The following CTDP1 variants were observed in gnomAD, a reference collection of about 807,000 sequenced individuals.
CTDP1 encodes the protein RNA polymerase II subunit A C-terminal domain phosphatase.
Under a neutral mutation model 91.8 loss-of-function variants are expected in CTDP1, and 47 were observed. The ratio of observed to expected loss-of-function variants is 0.51; its 90% CI spans 0.41 to 0.65. The LOEUF is 0.65. CTDP1 is among the 30% of genes least tolerant of loss of function. CTDP1 has a pLI of 0.00. For missense variants in CTDP1, 1,272 were observed against 1,373.7 expected, an observed-to-expected ratio of 0.93 and a Z score of 1.17; for synonymous variants, 656 against 598.5, an observed-to-expected ratio of 1.10 and a Z score of -1.40.
intron 10 of CTDP1, among the ~76,000 whole-genome samples, chr18:79,722,711 T>C (rs1203371882): frequency 1.3e-5 from 2 of 152,142 alleles, no homozygotes; most frequent in Admixed American, 6.5e-5. Context: ...TTTTTGATAG[T>C]TTTCAAAATT....
intron 4 of CTDP1, among the ~76,000 whole-genome samples, chr18:79,698,646 G>A (rs1368121002): frequency 2.0e-5 from 3 of 152,170 alleles, no homozygotes; most frequent in African/African-American, 7.2e-5. Flanking sequence ...GGCCTAGACG[G>A]TGGCCATCAG....
chr18:79,719,546 G>T (rs984264938), intron 10 of CTDP1, among the ~76,000 whole-genome samples: 5 of 151,770 alleles, frequency 3.3e-5, no homozygotes, highest in Non-Finnish European at 5.9e-5. Flanking sequence ...AGGCATCCTG[G>T]TGATGTCACC....
At chr18:79,749,320 G>T (rs2086945400) in intron 12 of CTDP1, among the ~76,000 whole-genome samples, 1 of 151,748 alleles carries the variant, frequency 6.6e-6, no homozygotes, top group Non-Finnish European at 1.5e-5. Context: ...TTCGGTCGGG[G>T]CCCCTGCCCC....
upstream of CTDP1, chr18:79,679,695 G>C (rs1248488126): frequency 3.7e-6 from 2 of 536,946 alleles, no homozygotes; most frequent in Non-Finnish European, 7.1e-6. Context: ...CCGGCACGCA[G>C]GGTTGGTCCC....
intron 11 of CTDP1, among the ~76,000 whole-genome samples, chr18:79,732,261 A>G (rs1474236048): frequency 6.6e-6 from 1 of 150,938 alleles, no homozygotes; most frequent in Non-Finnish European, 1.5e-5. Context: ...AGTGCTCCCA[A>G]AATCACAGAC....
chr18:79,715,062 G>T lies in CTDP1; in HGVS notation c.1602G>T (p.Glu534Asp), dbSNP rs112655649. 6.1e-4 allele frequency: 981 copies of T among 1,611,702 alleles called. 7 individuals carry two copies. The African/African-American group carries it at 0.011, about 18-fold the overall frequency. Residue 534 changes from glutamate (E) to aspartate (D), a missense_variant, in exon 8 of 13, where the codon GAG becomes GAT. Physicochemically the swap from Glu to Asp is conservative, Grantham distance 45 (BLOSUM62 2). Around this residue, in one of 3 missense-constraint regions of CTDP1, gnomAD observed 881 missense variants for 911.6 expected, o/e 0.97. Transcript: ENST00000613122. ...AGGAGCCTGAGCTGGGTGGGCAGGA[G>T]GAGGGCGAGCGGGATGGCCTCTGCG... ...PDKEPELGGQ[E>D]EGERDGLCGL...
intron 10 of CTDP1, among the ~76,000 whole-genome samples, chr18:79,726,816 G>T: frequency 7.0e-6 from 1 of 141,890 alleles, no homozygotes. Flanking sequence ...CGCTGTTGCT[G>T]GTGGACGGCT....
At chr18:79,731,929 A>G (rs1427766611) in intron 11 of CTDP1, among the ~76,000 whole-genome samples, 1 of 151,818 alleles carries the variant, frequency 6.6e-6, no homozygotes, top group Non-Finnish European at 1.5e-5. Flanking sequence ...GTAAGAACTC[A>G]CATTAGGAGT....
chr18:79,690,203 G>A (rs1394172930), intron 1 of CTDP1, among the ~76,000 whole-genome samples: 1 of 152,222 alleles, frequency 6.6e-6, no homozygotes, highest in Non-Finnish European at 1.5e-5. Flanking sequence ...GCTCAGAGGT[G>A]ATGGCGTCCA....
At chr18:79,722,912 C>T (rs2086374282) in intron 10 of CTDP1, among the ~76,000 whole-genome samples, 2 of 152,146 alleles carry the variant, frequency 1.3e-5, no homozygotes, top group Non-Finnish European at 2.9e-5. Flanking sequence ...TCCCTTTTCT[C>T]CGTAGGCCTC....
chr18:79,741,067 G>A (rs576922740), intron 12 of CTDP1, among the ~76,000 whole-genome samples: 2 of 148,334 alleles, frequency 1.3e-5, no homozygotes, highest in East Asian at 2.0e-4. Flanking sequence ...TCCCCCGTAC[G>A]GTTGATCTGT....
At position 79,680,189 on chromosome 18, in the gene CTDP1, G is replaced by A. The variant is rs1457458612; in HGVS notation, c.242G>A (p.Arg81His). Residue 81 changes from arginine (R) to histidine (H), a missense_variant, in exon 1 of 13, where the codon CGC becomes CAC. Physicochemically the swap from Arg to His is conservative, Grantham distance 29. Around this residue, in one of 3 missense-constraint regions of CTDP1, gnomAD observed 214 missense variants for 179.1 expected, o/e 1.19. Coordinates refer to ENST00000613122, the MANE Select transcript of CTDP1 (RefSeq NM_004715.5). ...TGCGTGCGCCCCGCGCGGCCGGAAC[G>A]CAGGCTGAGGTCGGAGCGCGCGGGC... Reference protein sequence around the residue: ...GGCVRPARPERRLRSERAGVV... With the variant: ...GGCVRPARPEHRLRSERAGVV... 2 of 1,381,930 alleles carry A rather than the reference G, an allele frequency of 1.4e-6. No individual in the cohort carries two copies. Among genetic ancestry groups the A allele is most frequent in the Admixed American group, 3.4e-5 (1 of 29,384 alleles). The allele number at this position is 1,381,930 out of a possible 1,614,324, so 85.6% of individuals were successfully genotyped here.
chr18:79,730,858 A>G (rs1328137165), intron 11 of CTDP1, among the ~76,000 whole-genome samples: 1 of 152,162 alleles, frequency 6.6e-6, no homozygotes, highest in African/African-American at 2.4e-5. Flanking sequence ...CTCATGTTGG[A>G]CTTCTGACCT....
rs1350426844 is a variant in CTDP1, at chr18:79,679,822, G to T, written c.-126G>T. 6.3e-6 allele frequency: 6 copies of T among 949,708 alleles called. No homozygotes were observed. The African/African-American group carries it at 6.9e-5, about 11-fold the overall frequency. 58.8% of individuals were successfully genotyped at this position (949,708 alleles called of 1,614,324 possible). ...TCCAGGAAGTCGGCGCGGGCTAGGC[G>T]ACGGGTGGAAGCCGGTACCGAGAGG... On this transcript the variant is annotated 5_prime_UTR_variant, in exon 1 of 13. Transcript: ENST00000613122.
rs745797676 is a variant in CTDP1, at chr18:79,715,080, C to T, written c.1620C>T (p.Gly540=). 1 of 1,612,910 alleles carries T rather than the reference C, an allele frequency of 6.2e-7. No individual in the cohort carries two copies. Among genetic ancestry groups the T allele is most frequent in the African/African-American group, 1.3e-5 (1 of 75,054 alleles). ...GGCAGGAGGAGGGCGAGCGGGATGG[C>T]CTCTGCGGCCTGGGCAACGGCTGTG... ...LGGQEEGERD[G]LCGLGNGCAD... is the part of the protein sequence containing the mutation. Residue 540 remains glycine, a synonymous_variant, in exon 8 of 13, where the codon GGC becomes GGT. Transcript: ENST00000613122.
chr18:79,740,349 C>G (rs2086751776), intron 12 of CTDP1, among the ~76,000 whole-genome samples: 1 of 152,186 alleles, frequency 6.6e-6, no homozygotes, highest in Admixed American at 6.5e-5. Flanking sequence ...AGCTTCCTGT[C>G]CAGCTGGGTT....
At chr18:79,695,450 C>CCGGGGCCG in intron 2 of CTDP1, 142 bp downstream of exon 2, 1 of 744,236 alleles carries the variant, frequency 1.3e-6, no homozygotes, top group Non-Finnish European at 2.4e-6. Context: ...GGGCCCCATA[C>CCGGGGCCG]GAGTCACACT....
chr18:79,683,906 C>T (rs1048027829), intron 1 of CTDP1, among the ~76,000 whole-genome samples: 5 of 152,240 alleles, frequency 3.3e-5, no homozygotes, highest in Non-Finnish European at 5.9e-5. Flanking sequence ...TGGCCCAGGA[C>T]GGTTTTGGGA....
In CTDP1 at chr18:79,753,747, A is replaced by AGAT; in HGVS notation, c.2845_2847dup (p.Met949dup). 6.2e-7 allele frequency: 1 copy of AGAT among 1,613,886 alleles called. No homozygotes were observed. The highest frequency in any genetic ancestry group is 8.5e-7 in the Non-Finnish European group (1 of 1,179,972). ...GAGGGCAGCAGCTCCGAGGCCGACG[A>AGAT]GATGGCCAAGGCGCTGGAGGCGGAG... On this transcript the variant is annotated inframe_insertion, in exon 13 of 13. Coordinates refer to ENST00000613122, the MANE Select transcript of CTDP1 (RefSeq NM_004715.5).
Sources: allele counts gnomAD v4.1 joint callset (sites outside exome capture counted in the v4.1 genomes callset), GRCh38; gene constraint gnomAD v4.1.1; regional missense constraint gnomAD v4.1.1; transcripts MANE v1.5; gene names NCBI Gene and HGNC (gene_info 2026-07-23, HGNC 2026-07-21).